IST1: variants seen among roughly 807,000 people sequenced by gnomAD.
IST1 encodes IST1 homolog.
A neutral mutation model predicts 37.0 loss-of-function variants in IST1; 23 were observed. The ratio of observed to expected loss-of-function variants is 0.62; its 90% CI spans 0.45 to 0.88. IST1 has a LOEUF of 0.88. Among genes scored for constraint, IST1 ranks in the 40% least tolerant of loss-of-function variants. The pLI, the probability that IST1 is intolerant of heterozygous loss-of-function variation, is 0.00. For missense variants in IST1, 488 were observed against 445.4 expected (o/e 1.10, Z -0.86); for synonymous variants, 180 against 161.7 (o/e 1.11, Z -0.86).
In IST1 at chr16:71,930,074, C is replaced by A. The variant is rs1481142302; in HGVS notation, c.*2261C>A. On this transcript the variant is annotated 3_prime_UTR_variant, in exon 10 of 10. Transcript: ENST00000378799. Reference sequence around the variant, plus strand: ...TACCTTAAGCGACTTTCTTTCTTTTCCAAAGGCCATGAGAATGGCCGAAAC... The same window carrying A: ...TACCTTAAGCGACTTTCTTTCTTTTACAAAGGCCATGAGAATGGCCGAAAC... The A allele has an allele frequency of 6.5e-6, 10 of 1,549,812 alleles. No homozygotes were observed. The East Asian group carries it at 1.5e-4, about 23-fold the overall frequency.
At chr16:71,914,347 A>T (rs1295104870) in intron 1 of IST1, among the ~76,000 whole-genome samples, 1 of 151,456 alleles carries the variant, frequency 6.6e-6, no homozygotes, top group Non-Finnish European at 1.5e-5. Context: ...TTTTTAGTAG[A>T]GATGGGGTTT....
chr16:71,929,410 G>T lies in IST1; in HGVS notation c.*1597G>T. On this transcript the variant is annotated 3_prime_UTR_variant, in exon 10 of 10. Coordinates refer to ENST00000378799, the MANE Select transcript of IST1 (RefSeq NM_001270975.2). Reference sequence around the variant, plus strand: ...AGTGCCAAGATCCATAAGAACTTGGGACCAAGGGGATTTTGATTCCTAACT... The same window carrying T: ...AGTGCCAAGATCCATAAGAACTTGGTACCAAGGGGATTTTGATTCCTAACT... 1.1e-6 allele frequency: 1 copy of T among 950,192 alleles called. No individual in the cohort carries two copies. 58.9% of individuals were successfully genotyped at this position (950,192 alleles called of 1,614,324 possible). A position where few individuals can be genotyped will look rare whatever the true frequency, so the allele number is the denominator to read the frequency against.
At chr16:71,900,963 A>G (rs910495513) in intron 1 of IST1, among the ~76,000 whole-genome samples, 1 of 152,236 alleles carries the variant, frequency 6.6e-6, no homozygotes, top group Non-Finnish European at 1.5e-5. Flanking sequence ...TCTGAATCAC[A>G]AAAAGAATTT....
Position 71,928,098 on chromosome 16 carries a change from G to T in IST1, c.*285G>T, listed in dbSNP as rs1284780500. On this transcript the variant is annotated 3_prime_UTR_variant, in exon 10 of 10. Coordinates refer to ENST00000378799, the MANE Select transcript of IST1 (RefSeq NM_001270975.2). The stretch of plus-strand genomic sequence containing the variant: ...AGGTTTCCTCCTGGCCCGTCCCATG[G>T]TCCCTCCACAGGAGTGTGAGAGGAT... The T allele has an allele frequency of 9.8e-6, 4 of 408,788 alleles. No homozygotes were observed. In the East Asian group the frequency reaches 2.2e-4, roughly 23 times the overall value. The allele number at this position is 408,788 out of a possible 1,614,324, so 25.3% of individuals were successfully genotyped here.
At chr16:71,924,356 T>C (rs2037686089) in intron 8 of IST1, 2 of 373,588 alleles carry the variant, frequency 5.4e-6, no homozygotes, top group African/African-American at 4.2e-5. Flanking sequence ...ACGCCTGTAA[T>C]CCCAGCACTT....
intron 1 of IST1, among the ~76,000 whole-genome samples, chr16:71,905,267 C>A (rs1385093237): frequency 6.6e-6 from 1 of 151,886 alleles, no homozygotes; most frequent in Non-Finnish European, 1.5e-5. Flanking sequence ...AACTCCTGAC[C>A]TCGTGATCCA....
intron 4 of IST1, among the ~76,000 whole-genome samples, chr16:71,919,103 G>T (rs1296345732): frequency 6.6e-6 from 1 of 152,178 alleles, no homozygotes; most frequent in East Asian, 1.9e-4. Flanking sequence ...CCAAAACACA[G>T]CTCCGATCCT....
upstream of IST1, chr16:71,895,288 C>A (rs532548064): frequency 8.3e-5 from 13 of 155,964 alleles, no homozygotes; most frequent in East Asian, 1.3e-3. Flanking sequence ...AAATTAAGGG[C>A]ATGCCCCCAG....
chr16:71,911,965 A>T (rs1384167273), intron 1 of IST1, among the ~76,000 whole-genome samples: 1 of 151,880 alleles, frequency 6.6e-6, no homozygotes, highest in Non-Finnish European at 1.5e-5. Context: ...TCTGCCTCCC[A>T]AAGTGTTGGG....
At chr16:71,894,932 A>T, upstream of IST1, 1 of 1,059,426 alleles carries the variant, frequency 9.4e-7, no homozygotes, top group Non-Finnish European at 1.4e-6. Flanking sequence ...GTGCTGAGGA[A>T]ACACTACTGA....
chr16:71,902,594 T>C (rs1048150861), intron 1 of IST1, among the ~76,000 whole-genome samples: 3 of 152,228 alleles, frequency 2.0e-5, no homozygotes, highest in Admixed American at 1.3e-4. Flanking sequence ...GTAATAGATC[T>C]AGTGCAGCTA....
At position 71,916,505 on chromosome 16, in the gene IST1, G is replaced by C. The variant is rs144635560; in HGVS notation, c.132G>C (p.Leu44=). ...CAAGGAAGGAGATTGCTGACTATCT[G>C]GCTGCTGGGAAAGATGAACGAGCTC... is the stretch of plus-strand genomic sequence containing the variant. ...QKARKEIADY[L]AAGKDERARI... Residue 44 remains leucine (L), a synonymous_variant, in exon 3 of 10, where the codon CTG becomes CTC. Transcript: ENST00000378799. 6.2e-7 allele frequency: 1 copy of C among 1,613,214 alleles called. No homozygotes were observed. Among genetic ancestry groups the C allele is most frequent in the African/African-American group, 1.3e-5 (1 of 74,904 alleles).
At chr16:71,905,734 A>C (rs1420119727) in intron 1 of IST1, among the ~76,000 whole-genome samples, 1 of 152,202 alleles carries the variant, frequency 6.6e-6, no homozygotes, top group East Asian at 1.9e-4. Flanking sequence ...CTCATGGAGT[A>C]TGAAAACCTT....
At chr16:71,909,753 C>T (rs925126283) in intron 1 of IST1, among the ~76,000 whole-genome samples, 2 of 152,176 alleles carry the variant, frequency 1.3e-5, no homozygotes, top group African/African-American at 4.8e-5. Flanking sequence ...GAGAATAACG[C>T]CTTAGGTTAT....
intron 1 of IST1, among the ~76,000 whole-genome samples, chr16:71,900,166 CA>C (rs59470234): frequency 0.047 from 5,928 of 126,742 alleles, 381 homozygotes; most frequent in African/African-American, 0.16. Flanking sequence ...AACTCGGTCT[CA>C]AAAAAAAAAA....
upstream of IST1, chr16:71,895,500 C>G (rs1005169739): frequency 1.0e-6 from 1 of 985,550 alleles, no homozygotes; most frequent in Admixed American, 6.1e-5. Context: ...CCTCCGCCCG[C>G]GCTTGTTGTG....
In IST1 at chr16:71,924,805, GCA is replaced by G. The variant is rs1567474887; in HGVS notation, c.892_893del (p.Gln298AspfsTer21). On this transcript the variant is annotated frameshift_variant, in exon 9 of 10. Coordinates refer to ENST00000378799, the MANE Select transcript of IST1 (RefSeq NM_001270975.2). LOFTEE classifies it high-confidence loss of function. ...DINADKNISS[A>X]QIVGPGPKPE... ...TAATGCTGATAAGAATATCTCTTCT[GCA>G]CAGATTGTTGGTGAGTAGTATCAAT... 1.2e-6 allele frequency: 2 copies of G among 1,608,608 alleles called. No homozygotes were observed.
intron 5 of IST1, 192 bp from the exon 6 acceptor site, chr16:71,921,151 A>C (rs2037571135): frequency 1.7e-6 from 1 of 603,018 alleles, no homozygotes; most frequent in Non-Finnish European, 3.0e-6. Context: ...GGTCATGTGT[A>C]ATGAGAATGT....
intron 1 of IST1, among the ~76,000 whole-genome samples, chr16:71,906,774 C>T (rs532455712): frequency 5.3e-5 from 8 of 152,046 alleles, no homozygotes; most frequent in Non-Finnish European, 1.2e-4. Context: ...GTTTCGCTTC[C>T]TTTTGGTCTC....
Sources: allele counts gnomAD v4.1 joint callset (sites outside exome capture counted in the v4.1 genomes callset), GRCh38; gene constraint gnomAD v4.1.1; transcripts MANE v1.5; gene names NCBI Gene and HGNC (gene_info 2026-07-23, HGNC 2026-07-21).